The following VEGFC variants were observed in gnomAD, a reference collection of about 807,000 sequenced individuals.
VEGFC encodes FLT4 ligand DHM.
A neutral mutation model predicts 46.1 loss-of-function variants in VEGFC; 12 were observed. The ratio of observed to expected loss-of-function variants is 0.26; its 90% CI spans 0.17 to 0.42. The LOEUF (loss-of-function observed/expected upper bound fraction) is 0.42. VEGFC is among the 10% of genes least tolerant of loss of function. The pLI is 1.00. For missense variants in VEGFC, 488 were observed against 529.4 expected (o/e 0.92, Z 0.77); for synonymous variants, 232 against 195.5 (o/e 1.19, Z -1.56).
chr4:176,742,224 C>T (rs1423744421), intron 1 of VEGFC, among the ~76,000 whole-genome samples: 2 of 152,006 alleles, frequency 1.3e-5, no homozygotes, highest in East Asian at 1.9e-4. Flanking sequence ...CTTAGGAAAA[C>T]GGCCTCCAGC....
chr4:176,732,700 T>C (rs187550961), intron 1 of VEGFC, among the ~76,000 whole-genome samples: 2 of 151,238 alleles, frequency 1.3e-5, no homozygotes, highest in Non-Finnish European at 3.0e-5. Flanking sequence ...AGAAAACACA[T>C]TCATTGAAAA....
intron 1 of VEGFC, among the ~76,000 whole-genome samples, chr4:176,744,547 A>C (rs1735229585): frequency 6.6e-6 from 1 of 152,074 alleles, no homozygotes; most frequent in Admixed American, 6.6e-5. Context: ...GTATAGCCTT[A>C]GGATGAAAGA....
At chr4:176,765,425 C>T (rs1735603059) in intron 1 of VEGFC, among the ~76,000 whole-genome samples, 1 of 151,724 alleles carries the variant, frequency 6.6e-6, no homozygotes, top group Admixed American at 6.6e-5. Flanking sequence ...TAGGATTTTC[C>T]AAGATAACAA....
chr4:176,707,421 C>CAT (rs1481686748), intron 4 of VEGFC, among the ~76,000 whole-genome samples: 2 of 152,058 alleles, frequency 1.3e-5, no homozygotes, highest in Admixed American at 6.6e-5. Flanking sequence ...ACATGTCCAT[C>CAT]ATATATATAT....
chr4:176,779,196 C>A (rs1735866313), intron 1 of VEGFC, among the ~76,000 whole-genome samples: 2 of 151,972 alleles, frequency 1.3e-5, no homozygotes, highest in Non-Finnish European at 2.9e-5. Context: ...GATGAAAAGA[C>A]AACAGAGCTG....
intron 1 of VEGFC, among the ~76,000 whole-genome samples, chr4:176,774,923 A>G (rs1028980474): frequency 6.6e-6 from 1 of 152,192 alleles, no homozygotes; most frequent in Non-Finnish European, 1.5e-5. Context: ...GAATATCGTT[A>G]GAGATCAATT....
At chr4:176,781,787 A>C (rs1447000938) in intron 1 of VEGFC, among the ~76,000 whole-genome samples, 3 of 152,218 alleles carry the variant, frequency 2.0e-5, no homozygotes, top group Admixed American at 2.0e-4. Flanking sequence ...CAAGTGAACT[A>C]TTTGGTAAAA....
In VEGFC at chr4:176,767,012, A is replaced by AAAAG. The variant is rs957883376; in HGVS notation, c.147+25149_147+25152dup. 7.9e-5 allele frequency among the ~76,000 whole-genome samples: 12 copies of AAAAG among 151,614 alleles called. 1 individual carries two copies. The South Asian group carries it at 1.7e-3, about 21-fold the overall frequency. On this transcript the variant is annotated intron_variant, in intron 1 of 6. Transcript: ENST00000618562. ...ATTAAAGAAATCTGGCCAGTAAAAA[A>AAAAG]AAAGAAAGAAAGAAAGAAAAAAGAC...
chr4:176,697,927 T>C (rs911680984), intron 4 of VEGFC, among the ~76,000 whole-genome samples: 1 of 151,290 alleles, frequency 6.6e-6, no homozygotes, highest in South Asian at 2.1e-4. Flanking sequence ...TAGGTGGGAA[T>C]TGAACAATGA....
intron 1 of VEGFC, among the ~76,000 whole-genome samples, chr4:176,784,340 G>A (rs1308040843): frequency 6.6e-6 from 1 of 151,884 alleles, no homozygotes; most frequent in Non-Finnish European, 1.5e-5. Flanking sequence ...AAAGTGCTGG[G>A]ATTACAGACG....
At chr4:176,788,212 T>C (rs976851024) in intron 1 of VEGFC, among the ~76,000 whole-genome samples, 13 of 152,284 alleles carry the variant, frequency 8.5e-5, no homozygotes, top group Non-Finnish European at 1.8e-4. Context: ...AAGCAGTCGT[T>C]CTTATAATAT....
In VEGFC at chr4:176,717,967, C is replaced by A. The variant is rs1385086222; in HGVS notation, c.553-6317G>T. The stretch of plus-strand genomic sequence containing the variant: ...TAGCCTAACAGATTTAAATCTGGTA[C>A]TGAATTAATTTTAACATATTGTTAT... On this transcript the variant is annotated intron_variant, in intron 3 of 6. Coordinates refer to ENST00000618562, the MANE Select transcript of VEGFC (RefSeq NM_005429.5). Among the ~76,000 whole-genome samples the A allele has an allele frequency of 2.6e-5, 4 of 152,168 alleles. 1 individual carries two copies. The highest frequency in any genetic ancestry group is 4.1e-4 in the South Asian group (2 of 4,822).
chr4:176,744,110 AAGG>A (rs1241647673), intron 1 of VEGFC, among the ~76,000 whole-genome samples: 1 of 152,042 alleles, frequency 6.6e-6, no homozygotes, highest in Non-Finnish European at 1.5e-5. Context: ...ATCCCATTCT[AAGG>A]AAAAAAATGT....
At chr4:176,759,815 G>T (rs1319008814) in intron 1 of VEGFC, among the ~76,000 whole-genome samples, 4 of 151,980 alleles carry the variant, frequency 2.6e-5, no homozygotes, top group Non-Finnish European at 5.9e-5. Context: ...GGAGAGGAGA[G>T]ATGCAGCAAT....
chr4:176,696,775 T>C (rs1419760124), intron 4 of VEGFC, among the ~76,000 whole-genome samples: 4 of 152,144 alleles, frequency 2.6e-5, no homozygotes, highest in East Asian at 3.9e-4. Context: ...TGGTACTGGT[T>C]CAAAACAGAG....
chr4:176,784,215 C>A (rs750804644), intron 1 of VEGFC, among the ~76,000 whole-genome samples: 4 of 151,754 alleles, frequency 2.6e-5, no homozygotes, highest in Non-Finnish European at 5.9e-5. Flanking sequence ...AATACAGGCA[C>A]GTGTCACCAT....
At chr4:176,728,023 A>C (rs1297756053) in intron 2 of VEGFC, 55 bp from the exon 3 acceptor site, 41 of 1,415,364 alleles carry the variant, frequency 2.9e-5, no homozygotes, top group Non-Finnish European at 3.5e-5. Context: ...AGATAAAAAA[A>C]GCCCACAGCA....
At position 176,687,233 on chromosome 4, in the gene VEGFC, G is replaced by T. The variant is rs542183854; in HGVS notation, c.1099C>A (p.Gln367Lys). The T allele has an allele frequency of 5.6e-5, 90 of 1,614,020 alleles. No individual in the cohort carries two copies. Among genetic ancestry groups the T allele is most frequent in the Non-Finnish European group, 7.6e-5 (90 of 1,179,998 alleles). Residue 367 changes from glutamine (Q) to lysine (K), a missense_variant, in exon 6 of 7, where the codon CAG becomes AAG. Physicochemically the swap from Gln to Lys is moderately conservative, Grantham distance 53 (BLOSUM62 1). Transcript: ENST00000618562. ...TTCTTTCCTTTTAACAAGCATTTCT[G>T]TGGACTTTCTGTACATTCACAGGCA... ...KCACECTESP[Q>K]KCLLKGKKFH...
At chr4:176,731,484 G>GA (rs1180416707) in intron 1 of VEGFC, among the ~76,000 whole-genome samples, 3 of 151,054 alleles carry the variant, frequency 2.0e-5, no homozygotes, top group Admixed American at 6.6e-5. Flanking sequence ...AATAATGTTG[G>GA]AAAAAAAACA....
Sources: allele counts gnomAD v4.1 joint callset (sites outside exome capture counted in the v4.1 genomes callset), GRCh38; gene constraint gnomAD v4.1.1; transcripts MANE v1.5; gene names NCBI Gene and HGNC (gene_info 2026-07-23, HGNC 2026-07-21).